The following SASS6 variants were observed in gnomAD, a reference collection of about 807,000 sequenced individuals.
SASS6 encodes spindle assembly abnormal protein 6 homolog.
SASS6 carries 59 observed loss-of-function variants against 94.9 expected under a neutral mutation model. The observed-to-expected ratio is 0.62, with a 90% CI of 0.50 to 0.77. The LOEUF is 0.77. Ranked by LOEUF, SASS6 falls within the 30% of genes least tolerant of loss-of-function variation. The pLI is 0.00. For missense variants in SASS6, 698 were observed against 734.1 expected (o/e 0.95, Z 0.57); for synonymous variants, 264 against 270.0 (o/e 0.98, Z 0.22).
intron 14 of SASS6, among the ~76,000 whole-genome samples, chr1:100,092,869 C>T (rs958110494): frequency 3.9e-5 from 6 of 152,188 alleles, no homozygotes; most frequent in African/African-American, 1.2e-4. Flanking sequence ...GGGACCACAC[C>T]CAGCCCACTC....
At chr1:100,121,315 A>G in intron 5 of SASS6, 63 bp downstream of exon 5, 1 of 970,660 alleles carries the variant, frequency 1.0e-6, no homozygotes, top group South Asian at 1.7e-5. Context: ...TATCTCTTCA[A>G]TAATTTATCA....
chr1:100,122,010 C>T (rs368824212), intron 4 of SASS6, among the ~76,000 whole-genome samples: 7 of 152,250 alleles, frequency 4.6e-5, no homozygotes, highest in African/African-American at 1.4e-4. Flanking sequence ...CAACAACAAT[C>T]GTCAACTGAT....
chr1:100,087,487 A>T (rs1651394980), intron 15 of SASS6, among the ~76,000 whole-genome samples: 2 of 152,368 alleles, frequency 1.3e-5, no homozygotes, highest in African/African-American at 4.8e-5. Flanking sequence ...AATAAATTAC[A>T]AACATGAAGT....
chr1:100,093,513 C>G (rs1023646635), intron 14 of SASS6, among the ~76,000 whole-genome samples: 9 of 152,158 alleles, frequency 5.9e-5, no homozygotes, highest in African/African-American at 2.2e-4. Flanking sequence ...GTAATCCCCA[C>G]ACTTTGGGAG....
intron 14 of SASS6, among the ~76,000 whole-genome samples, chr1:100,098,207 G>C (rs1454306323): frequency 1.3e-5 from 2 of 151,942 alleles, no homozygotes; most frequent in Non-Finnish European, 2.9e-5. Flanking sequence ...CTAGCGTCCA[G>C]AATATGTAAA....
chr1:100,109,464 G>C (rs947849405), intron 8 of SASS6, among the ~76,000 whole-genome samples: 6 of 152,024 alleles, frequency 3.9e-5, no homozygotes, highest in African/African-American at 7.2e-5. Context: ...TGGCACTATA[G>C]CAAGATTTTA....
intron 1 of SASS6, among the ~76,000 whole-genome samples, chr1:100,132,499 G>T (rs1018736059): frequency 1.3e-5 from 2 of 152,152 alleles, no homozygotes; most frequent in Admixed American, 1.3e-4. Flanking sequence ...TCCGTGCACA[G>T]GTAGGGTTTT....
chr1:100,121,559 GA>G lies in SASS6; in HGVS notation c.312-11del. On this transcript the variant is annotated splice_polypyrimidine_tract_variant and intron_variant, in intron 4 of 16. Coordinates refer to ENST00000287482, the MANE Select transcript of SASS6 (RefSeq NM_194292.3). ...TAACTGTAGCAAAAACCTTTGAAAA[GA>G]AAATGTTACATTATAACACACTTAA... 1.3e-6 allele frequency: 2 copies of G among 1,512,992 alleles called. No individual in the cohort carries two copies. Among genetic ancestry groups the G allele is most frequent in the Non-Finnish European group, 9.1e-7 (1 of 1,099,556 alleles). The allele number at this position is 1,512,992 out of a possible 1,614,324, so 93.7% of individuals were successfully genotyped here.
chr1:100,100,032 G>A (rs1190957665), intron 14 of SASS6, among the ~76,000 whole-genome samples: 1 of 152,114 alleles, frequency 6.6e-6, no homozygotes, highest in Non-Finnish European at 1.5e-5. Context: ...TTGGGAGGCC[G>A]AGGCAGGTGG....
intron 5 of SASS6, among the ~76,000 whole-genome samples, chr1:100,121,102 A>G: frequency 6.6e-6 from 1 of 151,902 alleles, no homozygotes; most frequent in Non-Finnish European, 1.5e-5. Context: ...ATTTCCATAC[A>G]TGTCTACCAG....
Position 100,121,432 on chromosome 1 carries a change from A to G in SASS6, c.429T>C (p.Pro143=), listed in dbSNP as rs757038377. The change falls in exon 5 of 17, where the codon CCT becomes CCC. Residue 143 remains proline, a synonymous_variant. Transcript: ENST00000287482. The stretch of plus-strand genomic sequence containing the variant: ...ATTTCTTTATCTCCACATCATTTCC[A>G]GGTAAAAGTTTTAGTGAGAGGTGTG... The part of the protein sequence containing the change: ...HLTHLSLKLL[P]GNDVEIKKFL... 2.5e-6 allele frequency: 4 copies of G among 1,598,890 alleles called. No homozygotes were observed. The highest frequency in any genetic ancestry group is 3.4e-6 in the Non-Finnish European group (4 of 1,174,378).
chr1:100,116,188 A>G (rs1256054168), intron 7 of SASS6, among the ~76,000 whole-genome samples: 1 of 152,212 alleles, frequency 6.6e-6, no homozygotes, highest in Non-Finnish European at 1.5e-5. Flanking sequence ...TCCTTAATTT[A>G]TACCAATAAA....
Position 100,125,878 on chromosome 1 carries a change from C to T in SASS6, c.126+4G>A. ...GATATTTCAAAAAAGGACTAAATAC[C>T]AACCTTTCTGTGAACTGGATTAGAA... On this transcript the variant is annotated splice_donor_region_variant and intron_variant, in intron 2 of 16. Transcript: ENST00000287482. The T allele has an allele frequency of 1.4e-6, 2 of 1,459,920 alleles. No homozygotes were observed. The highest frequency in any genetic ancestry group is 1.9e-6 in the Non-Finnish European group (2 of 1,051,678). 90.4% of individuals were successfully genotyped at this position (1,459,920 alleles called of 1,614,324 possible).
intron 3 of SASS6, 109 bp from the exon 4 acceptor site, chr1:100,122,593 C>CAGGCTGGATGCAGTGGTGCA: frequency 4.5e-6 from 2 of 448,246 alleles, no homozygotes; most frequent in East Asian, 8.2e-5. Context: ...CACTCCATCA[C>CAGGCTGGATGCAGTGGTGCA]CCAGGCTGGA....
chr1:100,124,951 C>A (rs1185882601), intron 2 of SASS6, among the ~76,000 whole-genome samples: 1 of 152,152 alleles, frequency 6.6e-6, no homozygotes, highest in Non-Finnish European at 1.5e-5. Context: ...GTTACACTCG[C>A]TTCCCTGCCT....
rs574142907 is a variant in SASS6 at position 100,130,471 on chromosome 1, A to C, written c.65+2279T>G. On this transcript the variant is annotated intron_variant, in intron 1 of 16. Transcript: ENST00000287482. The stretch of plus-strand genomic sequence containing the variant: ...TGGGGTGAGAGGATCACTTGAGCCC[A>C]GGTGTTCAAGACCAGCCTGGGCAAT... Among the ~76,000 whole-genome samples the C allele has an allele frequency of 6.6e-5, 10 of 152,238 alleles. No individual in the cohort carries two copies. The South Asian group carries it at 2.1e-3, about 32-fold the overall frequency.
chr1:100,129,505 C>T (rs1654855775), intron 1 of SASS6, among the ~76,000 whole-genome samples: 1 of 152,032 alleles, frequency 6.6e-6, no homozygotes, highest in South Asian at 2.1e-4. Context: ...ACTTAAGGCC[C>T]AAATAATGGT....
chr1:100,125,739 C>T (rs1174318740), intron 2 of SASS6, 143 bp downstream of exon 2: 2 of 610,664 alleles, frequency 3.3e-6, no homozygotes, highest in Non-Finnish European at 5.8e-6. Flanking sequence ...TAGATTCCAC[C>T]ACCCTTGATT....
chr1:100,108,551 T>C (rs1457970586), intron 8 of SASS6, among the ~76,000 whole-genome samples: 1 of 152,030 alleles, frequency 6.6e-6, no homozygotes, highest in Non-Finnish European at 1.5e-5. Context: ...AAATCTACAA[T>C]AGATCTCTTC....
Sources: allele counts gnomAD v4.1 joint callset (sites outside exome capture counted in the v4.1 genomes callset), GRCh38; gene constraint gnomAD v4.1.1; transcripts MANE v1.5; gene names NCBI Gene and HGNC (gene_info 2026-07-23, HGNC 2026-07-21).